TIAM1: variants seen among roughly 807,000 people sequenced by gnomAD.
The protein encoded by TIAM1 is TIAM Rac1 associated GEF 1, also known as rho guanine nucleotide exchange factor TIAM1.
In TIAM1, 65 loss-of-function variants were observed where a neutral mutation model predicts 163.5. That is an observed-to-expected ratio of 0.40 (90% CI 0.33 to 0.49). The LOEUF (loss-of-function observed/expected upper bound fraction) is 0.49. Ranked by LOEUF, TIAM1 falls within the 20% of genes least tolerant of loss-of-function variation. The probability of loss-of-function intolerance (pLI) is 0.77; values close to 1 mark genes in which losing one functional copy is unlikely to be tolerated. For missense variants in TIAM1, 1,789 were observed against 2,044.7 expected, an observed-to-expected ratio of 0.87 and a Z score of 2.41; for synonymous variants, 833 against 810.1, an observed-to-expected ratio of 1.03 and a Z score of -0.48.
At chr21:31,505,780 G>T (rs983113593) in intron 1 of TIAM1, among the ~76,000 whole-genome samples, 1 of 152,030 alleles carries the variant, frequency 6.6e-6, no homozygotes, top group African/African-American at 2.4e-5. Flanking sequence ...TGAAGCGGGC[G>T]GATCACCTGA....
At position 31,426,522 on chromosome 21, in the gene TIAM1, G is replaced by A. The variant is rs142421511; in HGVS notation, c.-369+37461C>T. Among the ~76,000 whole-genome samples, 8 of 152,206 alleles carry A rather than the reference G, an allele frequency of 5.3e-5. No individual in the cohort carries two copies. In the East Asian group the frequency reaches 1.5e-3, roughly 29 times the overall value. The stretch of plus-strand genomic sequence containing the variant: ...CAGGGGAAGGAAAGAAACCAACTGT[G>A]GTCTGTTTCTAAAGGAAATATAAAA... On this transcript the variant is annotated intron_variant, in intron 2 of 28. Transcript: ENST00000286827.
At chr21:31,221,461 T>G (rs1204586456) in intron 8 of TIAM1, among the ~76,000 whole-genome samples, 1 of 152,198 alleles carries the variant, frequency 6.6e-6, no homozygotes, top group Non-Finnish European at 1.5e-5. Flanking sequence ...GGCCAAATTT[T>G]AATAGCCTGC....
chr21:31,238,047 T>C (rs1449282026), intron 6 of TIAM1, among the ~76,000 whole-genome samples: 1 of 152,224 alleles, frequency 6.6e-6, no homozygotes, highest in Non-Finnish European at 1.5e-5. Context: ...ATAAATTCCT[T>C]TTCTACTTTT....
chr21:31,530,826 A>G (rs912765859), intron 1 of TIAM1, among the ~76,000 whole-genome samples: 2 of 152,144 alleles, frequency 1.3e-5, no homozygotes, highest in Non-Finnish European at 2.9e-5. Context: ...TCGTATACCC[A>G]AGCCTTATAA....
intron 2 of TIAM1, among the ~76,000 whole-genome samples, chr21:31,314,990 C>T (rs1028498754): frequency 5.3e-5 from 8 of 152,192 alleles, no homozygotes; most frequent in Non-Finnish European, 1.0e-4. Context: ...CCAAGTTTCA[C>T]GTATTTATTT....
Position 31,395,721 on chromosome 21 carries a change from G to A in TIAM1, c.-368-56299C>T, listed in dbSNP as rs1437927226. Among the ~76,000 whole-genome samples, 2 of 152,136 alleles carry A rather than the reference G, an allele frequency of 1.3e-5. No individual in the cohort carries two copies. The highest frequency in any genetic ancestry group is 4.8e-5 in the African/African-American group (2 of 41,432). On this transcript the variant is annotated intron_variant, in intron 2 of 28. Coordinates refer to the TIAM1 transcript ENST00000286827. The surrounding 1 kb of genome is among the most constrained non-coding windows in gnomAD (Gnocchi z 7.5). ...GGGAGGGGGCGCATGCGTTCCCCTG[G>A]CTGTCGCGTGAAAATTTTTGCTTTA...
chr21:31,366,692 C>T (rs1471278474), intron 2 of TIAM1, among the ~76,000 whole-genome samples: 2 of 152,222 alleles, frequency 1.3e-5, no homozygotes, highest in African/African-American at 4.8e-5. Context: ...TCTTGGCTCA[C>T]TGCAACCTCC....
At chr21:31,257,251 CT>C (rs2072168324) in intron 4 of TIAM1, among the ~76,000 whole-genome samples, 2 of 152,112 alleles carry the variant, frequency 1.3e-5, no homozygotes, top group Non-Finnish European at 2.9e-5. Context: ...CTATGCCTTT[CT>C]TTTTATGTTT....
chr21:31,492,364 G>C (rs2046498187), intron 1 of TIAM1, among the ~76,000 whole-genome samples: 1 of 152,164 alleles, frequency 6.6e-6, no homozygotes, highest in South Asian at 2.1e-4. Context: ...AGGAATGAAA[G>C]TCATCCCTCT....
intron 13 of TIAM1, among the ~76,000 whole-genome samples, chr21:31,189,039 TC>T (rs2085430545): frequency 8.2e-6 from 1 of 122,428 alleles, no homozygotes; most frequent in Non-Finnish European, 1.7e-5. Flanking sequence ...TTTGCTCCAT[TC>T]CCTCTTTTTT....
chr21:31,222,573 T>C (rs1260483281), intron 8 of TIAM1, among the ~76,000 whole-genome samples: 2 of 150,442 alleles, frequency 1.3e-5, no homozygotes, highest in Admixed American at 6.7e-5. Context: ...ATCAAAACAA[T>C]GGTAAAAATA....
chr21:31,168,164 T>C (rs1441859706), intron 15 of TIAM1, among the ~76,000 whole-genome samples: 1 of 150,326 alleles, frequency 6.7e-6, no homozygotes, highest in Non-Finnish European at 1.5e-5. Context: ...GTGATCTCAG[T>C]TCACTGCAAC....
chr21:31,151,464 A>T (rs8131976), intron 19 of TIAM1, among the ~76,000 whole-genome samples: 67,774 of 151,934 alleles, frequency 0.45, 15,439 homozygotes, highest in East Asian at 0.65. Flanking sequence ...GCCCCAGAAA[A>T]ACGGGTACTT....
chr21:31,295,360 C>T (rs543996083), intron 2 of TIAM1, among the ~76,000 whole-genome samples: 2 of 151,016 alleles, frequency 1.3e-5, no homozygotes, highest in South Asian at 4.2e-4. Context: ...GTCCCAACTA[C>T]TCAGGAGGCT....
intron 2 of TIAM1, among the ~76,000 whole-genome samples, chr21:31,420,329 C>G (rs745992812): frequency 6.6e-6 from 1 of 152,190 alleles, no homozygotes. Context: ...AATACCCATG[C>G]ACCAGAGCCT....
intron 4 of TIAM1, among the ~76,000 whole-genome samples, chr21:31,264,082 A>G (rs1032186764): frequency 6.6e-6 from 1 of 152,120 alleles, no homozygotes; most frequent in African/African-American, 2.4e-5. Flanking sequence ...TTCTCAGACC[A>G]CAGATGCAGC....
chr21:31,175,002 G>A (rs2084695031), intron 15 of TIAM1, among the ~76,000 whole-genome samples: 1 of 152,164 alleles, frequency 6.6e-6, no homozygotes, highest in African/African-American at 2.4e-5. Context: ...GTGTGTAGTG[G>A]TATGATCAAG....
intron 11 of TIAM1, among the ~76,000 whole-genome samples, chr21:31,206,448 G>A (rs2146536474): frequency 6.6e-6 from 1 of 152,250 alleles, no homozygotes; most frequent in East Asian, 1.9e-4. Flanking sequence ...TTCTAAATGT[G>A]TGGCCTTGCT....
At chr21:31,190,889 GGTGTTTCT>G (rs1309476035) in intron 13 of TIAM1, among the ~76,000 whole-genome samples, 1 of 152,182 alleles carries the variant, frequency 6.6e-6, no homozygotes, top group Non-Finnish European at 1.5e-5. Context: ...TGTATTGTGA[GGTGTTTCT>G]GTGTTTGTGC....
Sources: allele counts gnomAD v4.1 joint callset (sites outside exome capture counted in the v4.1 genomes callset), GRCh38; gene constraint gnomAD v4.1.1; non-coding constraint Gnocchi (gnomAD v3.1); transcripts MANE v1.5; gene names NCBI Gene and HGNC (gene_info 2026-07-23, HGNC 2026-07-21).